The following KHDRBS2 variants were observed in gnomAD, a reference collection of about 807,000 sequenced individuals.
KHDRBS2 encodes KH domain-containing, RNA-binding, signal transduction-associated protein 2.
KHDRBS2 carries 26 observed loss-of-function variants against 44.3 expected under a neutral mutation model. That is an observed-to-expected ratio of 0.59 (90% confidence interval 0.43 to 0.81). The LOEUF (loss-of-function observed/expected upper bound fraction) is 0.81. KHDRBS2 is among the 40% of genes least tolerant of loss of function. The pLI is 0.00. For synonymous variants in KHDRBS2, 194 were observed against 151.1 expected (o/e 1.28, Z -2.08); for missense variants, 476 against 433.1 (o/e 1.10, Z -0.88).
At chr6:62,025,027 A>G (rs1045946868) in intron 3 of KHDRBS2, among the ~76,000 whole-genome samples, 9 of 151,710 alleles carry the variant, frequency 5.9e-5, no homozygotes, top group African/African-American at 2.2e-4. Context: ...TTATTTTTAT[A>G]AAAATCAATA....
At chr6:62,133,069 G>A (rs537392069) in intron 2 of KHDRBS2, among the ~76,000 whole-genome samples, 4 of 152,040 alleles carry the variant, frequency 2.6e-5, no homozygotes, top group East Asian at 1.9e-4. Context: ...ATATACAAAC[G>A]GGCTTTTTTT....
At chr6:61,782,689 G>GTGTGTA (rs1189465280) in intron 6 of KHDRBS2, among the ~76,000 whole-genome samples, 2 of 111,120 alleles carry the variant, frequency 1.8e-5, no homozygotes, top group African/African-American at 6.0e-5. Flanking sequence ...TAAAGGTTGT[G>GTGTGTA]TATATATATA....
intron 3 of KHDRBS2, among the ~76,000 whole-genome samples, chr6:62,002,381 A>T (rs1240232945): frequency 3.3e-5 from 5 of 151,896 alleles, no homozygotes; most frequent in African/African-American, 1.2e-4. Context: ...ATCAGCTAGT[A>T]TTGGGATACT....
chr6:62,053,406 TA>T lies in KHDRBS2; in HGVS notation c.220-5413del, dbSNP rs565379558. ...CCACTTGGCAAAATAGTATCATAGC[TA>T]AGTCCTGTTGTATGTACAAAATACA... On this transcript the variant is annotated intron_variant, in intron 2 of 8. Transcript: ENST00000281156. Among the ~76,000 whole-genome samples, 30 of 152,084 alleles carry T rather than the reference TA, an allele frequency of 2.0e-4. No individual in the cohort carries two copies. In the South Asian group the frequency reaches 6.2e-3, roughly 32 times the overall value.
At position 62,137,470 on chromosome 6, in the gene KHDRBS2, C is replaced by T. The variant is rs137993572; in HGVS notation, c.219+39715G>A. ...ATTATAAACACAAGGTCTTCAGAGC[C>T]AATGCAATGAAGAATGATAATTATA... is the stretch of plus-strand genomic sequence containing the variant. On this transcript the variant is annotated intron_variant, in intron 2 of 8. Coordinates refer to ENST00000281156, the MANE Select transcript of KHDRBS2 (RefSeq NM_152688.4). Among the ~76,000 whole-genome samples, 504 of 152,192 alleles carry T rather than the reference C, an allele frequency of 3.3e-3. 4 individuals are homozygous for T. The highest frequency in any genetic ancestry group is 0.01 in the Middle Eastern group (3 of 294).
At chr6:61,738,692 CA>C (rs1488574368) in intron 6 of KHDRBS2, among the ~76,000 whole-genome samples, 2 of 151,884 alleles carry the variant, frequency 1.3e-5, no homozygotes, top group Admixed American at 6.6e-5. Flanking sequence ...CATATGTTTA[CA>C]AAATGAGCCC....
At chr6:61,986,714 T>G (rs1775117212) in intron 3 of KHDRBS2, among the ~76,000 whole-genome samples, 1 of 152,186 alleles carries the variant, frequency 6.6e-6, no homozygotes, top group South Asian at 2.1e-4. Flanking sequence ...CCGTTCCTGG[T>G]GAGGGCTCTT....
intron 3 of KHDRBS2, among the ~76,000 whole-genome samples, chr6:62,018,414 A>T (rs980513236): frequency 6.6e-6 from 1 of 151,712 alleles, no homozygotes; most frequent in Non-Finnish European, 1.5e-5. Context: ...GTGTAGTGGC[A>T]CGAACTCACC....
chr6:61,756,868 C>T (rs1261921520), intron 6 of KHDRBS2, among the ~76,000 whole-genome samples: 1 of 152,182 alleles, frequency 6.6e-6, no homozygotes, highest in Non-Finnish European at 1.5e-5. Flanking sequence ...CTCTCCCTTC[C>T]CTCTGCACTC....
chr6:62,257,795 G>A (rs542321935), intron 1 of KHDRBS2, among the ~76,000 whole-genome samples: 1 of 151,986 alleles, frequency 6.6e-6, no homozygotes, highest in South Asian at 2.1e-4. Context: ...TTTGTGAAAC[G>A]CTAAAACTAT....
chr6:61,994,408 C>T (rs1415756404), intron 3 of KHDRBS2, among the ~76,000 whole-genome samples: 2 of 152,136 alleles, frequency 1.3e-5, no homozygotes, highest in African/African-American at 4.8e-5. Flanking sequence ...CTTAAGAATC[C>T]TCTACCATTC....
At chr6:61,726,873 T>C (rs2344109) in intron 7 of KHDRBS2, among the ~76,000 whole-genome samples, 58,009 of 151,910 alleles carry the variant, frequency 0.38, 12,157 homozygotes, top group African/African-American at 0.57. Context: ...TTCAATACTA[T>C]TCCCATTAAA....
chr6:62,047,182 G>A (rs537879732), intron 3 of KHDRBS2, among the ~76,000 whole-genome samples: 44 of 151,936 alleles, frequency 2.9e-4, no homozygotes, highest in Middle Eastern at 3.4e-3. Context: ...CCCGCCTTTC[G>A]CAGTGAATCC....
At chr6:61,899,852 A>G (rs1659988017) in intron 5 of KHDRBS2, among the ~76,000 whole-genome samples, 1 of 151,552 alleles carries the variant, frequency 6.6e-6, no homozygotes, top group Admixed American at 6.6e-5. Context: ...GTTGAACTAC[A>G]AAAGTTGCAA....
chr6:62,245,459 C>A (rs770106574), intron 1 of KHDRBS2, among the ~76,000 whole-genome samples: 4 of 152,048 alleles, frequency 2.6e-5, no homozygotes, highest in Non-Finnish European at 5.9e-5. Context: ...GTTTGATTTT[C>A]TTTCTGTTTC....
chr6:62,018,939 T>G (rs1314033891), intron 3 of KHDRBS2, among the ~76,000 whole-genome samples: 1 of 152,144 alleles, frequency 6.6e-6, no homozygotes, highest in Non-Finnish European at 1.5e-5. Context: ...CTAATGTTAT[T>G]AGTTATACAT....
chr6:62,176,881 A>C (rs1362428842), intron 2 of KHDRBS2, among the ~76,000 whole-genome samples: 1 of 151,296 alleles, frequency 6.6e-6, no homozygotes, highest in African/African-American at 2.4e-5. Context: ...TGAACCAAAG[A>C]TAATCAAGTG....
intron 3 of KHDRBS2, among the ~76,000 whole-genome samples, chr6:62,001,510 C>T (rs1778236802): frequency 1.3e-5 from 2 of 151,670 alleles, no homozygotes; most frequent in South Asian, 4.2e-4. Context: ...GATAAAATTG[C>T]TAACTTGAAA....
intron 6 of KHDRBS2, among the ~76,000 whole-genome samples, chr6:61,843,095 T>C (rs534919009): frequency 6.6e-6 from 1 of 152,118 alleles, no homozygotes; most frequent in East Asian, 1.9e-4. Flanking sequence ...CCACAAATTA[T>C]ACAATTCCAT....
Sources: allele counts gnomAD v4.1 joint callset (sites outside exome capture counted in the v4.1 genomes callset), GRCh38; gene constraint gnomAD v4.1.1; transcripts MANE v1.5; gene names NCBI Gene and HGNC (gene_info 2026-07-23, HGNC 2026-07-21).